Variants in PBLD observed in about 807,000 individuals in gnomAD.
PBLD encodes the protein phenazine biosynthesis-like domain-containing protein.
Under a neutral mutation model 31.3 loss-of-function variants are expected in PBLD, and 26 were observed. The ratio of observed to expected loss-of-function variants is 0.83; its 90% confidence interval spans 0.61 to 1.15. The LOEUF is 1.15. Ranked by LOEUF, PBLD falls within the 50% of genes most tolerant of loss-of-function variation. The probability of loss-of-function intolerance (pLI) is 0.00; values close to 1 mark genes in which losing one functional copy is unlikely to be tolerated. For missense variants in PBLD, 307 were observed against 351.7 expected, an observed-to-expected ratio of 0.87 and a Z score of 1.02; for synonymous variants, 114 against 129.0, an observed-to-expected ratio of 0.88 and a Z score of 0.79.
Position 68,288,652 on chromosome 10 carries a change from C to A in PBLD, c.522G>T (p.Leu174=). ...TCTCCGTGTTCACTTTCAGGTTCTC[C>A]AGAAACGACCTTGTTCATAAACAAG... ...RLSDVYNRSF[L]ENLKVNTENL... is the part of the protein sequence containing the mutation. Residue 174 remains leucine, a synonymous_variant, in exon 8 of 10, where the codon CTG becomes CTT. Coordinates refer to ENST00000358769, the MANE Select transcript of PBLD (RefSeq NM_022129.4). The A allele has an allele frequency of 6.2e-7, 1 of 1,613,774 alleles. No homozygotes were observed. The highest frequency in any genetic ancestry group is 1.7e-5 in the Admixed American group (1 of 59,920).
chr10:68,306,770 G>C lies in PBLD; in HGVS notation c.75C>G (p.Leu25=), dbSNP rs2044585899. Residue 25 remains leucine (L), a synonymous_variant, in exon 2 of 10, where the codon CTC becomes CTG. Transcript: ENST00000358769. ...AFRGNPAAVC[L]LENELDEDMH... ...AAAACCAAGCACTTACATTTTCTAG[G>C]AGGCAAACAGCAGCAGGATTCCCAC... 3 of 1,611,516 alleles carry C rather than the reference G, an allele frequency of 1.9e-6. No individual in the cohort carries two copies. Among genetic ancestry groups the C allele is most frequent in the African/African-American group, 2.7e-5 (2 of 74,988 alleles).
intron 1 of PBLD, among the ~76,000 whole-genome samples, 166 bp downstream of exon 1, chr10:68,332,618 G>A (rs1200881253): frequency 6.6e-6 from 1 of 152,184 alleles, no homozygotes; most frequent in Non-Finnish European, 1.5e-5. Flanking sequence ...GGTGGTCAAA[G>A]CTCCCTGGAA....
intron 2 of PBLD, among the ~76,000 whole-genome samples, chr10:68,297,539 G>C (rs1431026820): frequency 6.6e-6 from 1 of 152,136 alleles, no homozygotes; most frequent in African/African-American, 2.4e-5. Flanking sequence ...GCCCTTTACT[G>C]TCTGGCCTCG....
intron 1 of PBLD, among the ~76,000 whole-genome samples, chr10:68,328,291 T>C (rs543967286): frequency 1.3e-5 from 2 of 152,364 alleles, no homozygotes; most frequent in South Asian, 2.1e-4. Flanking sequence ...CCAGTTTTTA[T>C]GGTACTTCAC....
intron 1 of PBLD, among the ~76,000 whole-genome samples, chr10:68,330,545 T>C (rs1011452501): frequency 2.6e-5 from 4 of 152,140 alleles, no homozygotes; most frequent in African/African-American, 9.7e-5. Flanking sequence ...ACTGATTTTT[T>C]TGGGGGGGAA....
rs34722771 is a variant in PBLD at position 68,318,375 on chromosome 10, TAAAAAAAAAAA to T, written c.-59-11483_-59-11473del. Among the ~76,000 whole-genome samples the T allele has an allele frequency of 2.7e-4, 14 of 51,284 alleles. No homozygotes were observed. The East Asian group carries it at 4.1e-3, about 15-fold the overall frequency. 33.6% of individuals were successfully genotyped at this position (51,284 alleles called of 152,430 possible). ...TAACACAGCAAGACCCTGCCTCTAT[TAAAAAAAAAAA>T]AAAAAAAAAAAAAAGCCAGGGATGG... On this transcript the variant is annotated intron_variant, in intron 1 of 9. Coordinates refer to ENST00000358769, the MANE Select transcript of PBLD (RefSeq NM_022129.4).
intron 1 of PBLD, among the ~76,000 whole-genome samples, chr10:68,327,195 T>G (rs1257556915): frequency 1.3e-5 from 2 of 152,208 alleles, no homozygotes; most frequent in African/African-American, 4.8e-5. Flanking sequence ...TGGTAAACTT[T>G]GAAACACTAC....
At chr10:68,297,604 G>A (rs78267180) in intron 2 of PBLD, among the ~76,000 whole-genome samples, 6,256 of 152,194 alleles carry the variant, frequency 0.041, 161 homozygotes, top group Non-Finnish European at 0.045. Flanking sequence ...TTGCTTTGCC[G>A]GGACCTGGAA....
intron 9 of PBLD, among the ~76,000 whole-genome samples, chr10:68,284,621 T>C (rs2044264932): frequency 6.6e-6 from 1 of 152,158 alleles, no homozygotes; most frequent in South Asian, 2.1e-4. Flanking sequence ...GCAAAGATGT[T>C]TGAAACAATA....
intron 8 of PBLD, 171 bp downstream of exon 8, chr10:68,288,312 G>C: frequency 1.4e-6 from 1 of 705,616 alleles, no homozygotes. Context: ...TCTATTTTAT[G>C]TTTTTCATGG....
chr10:68,332,520 C>T (rs2045212729), intron 1 of PBLD, among the ~76,000 whole-genome samples: 1 of 152,220 alleles, frequency 6.6e-6, no homozygotes, highest in Non-Finnish European at 1.5e-5. Context: ...TACAGTGGCG[C>T]GGCCACCTCG....
intron 2 of PBLD, among the ~76,000 whole-genome samples, chr10:68,300,546 G>C (rs1050097568): frequency 1.3e-5 from 2 of 152,124 alleles, no homozygotes; most frequent in Non-Finnish European, 2.9e-5. Context: ...CCTGTCTTGG[G>C]CCTCCGACAT....
intron 1 of PBLD, among the ~76,000 whole-genome samples, chr10:68,320,550 T>C (rs1455924572): frequency 2.0e-5 from 3 of 152,228 alleles, no homozygotes; most frequent in Non-Finnish European, 4.4e-5. Context: ...CATCCTCCCA[T>C]ATACTTAAAT....
intron 1 of PBLD, among the ~76,000 whole-genome samples, chr10:68,313,830 A>G (rs182305564): frequency 6.6e-6 from 1 of 152,290 alleles, no homozygotes; most frequent in Non-Finnish European, 1.5e-5. Flanking sequence ...AGAAAAAGAC[A>G]ACAACAACAA....
intron 1 of PBLD, among the ~76,000 whole-genome samples, chr10:68,317,136 G>A (rs558201950): frequency 2.0e-5 from 3 of 152,314 alleles, no homozygotes; most frequent in Non-Finnish European, 2.9e-5. Flanking sequence ...CCAGAAGGCA[G>A]TAAAATGATA....
chr10:68,320,542 T>G (rs1467667614), intron 1 of PBLD, among the ~76,000 whole-genome samples: 1 of 152,196 alleles, frequency 6.6e-6, no homozygotes, highest in African/African-American at 2.4e-5. Flanking sequence ...CCTATGCACA[T>G]CCTCCCATAT....
intron 2 of PBLD, among the ~76,000 whole-genome samples, chr10:68,298,757 TACACACACAC>T (rs57358655): frequency 0.66 from 96,975 of 147,168 alleles, 32,358 homozygotes; most frequent in Middle Eastern, 0.78. Context: ...TGCATACGAA[TACACACACAC>T]ACACACACAC....
At chr10:68,297,175 C>T in intron 2 of PBLD, 190 bp from the exon 3 acceptor site, 1 of 592,916 alleles carries the variant, frequency 1.7e-6, no homozygotes, top group Non-Finnish European at 3.0e-6. Flanking sequence ...TTGCAGTGCC[C>T]TGTGAAGAAG....
chr10:68,289,688 CACACAT>C (rs2044333581), intron 6 of PBLD, among the ~76,000 whole-genome samples: 5 of 149,620 alleles, frequency 3.3e-5, no homozygotes, highest in Admixed American at 1.3e-4. Context: ...CACACACACA[CACACAT>C]ATCTTGACCC....
Sources: gnomAD v4.1 joint callset for allele counts (sites outside exome capture counted in the v4.1 genomes callset) on GRCh38, gnomAD v4.1.1 for gene constraint, MANE v1.5 for transcripts, NCBI Gene and HGNC (gene_info 2026-07-23, HGNC 2026-07-21) for gene names.